The following UMAD1 variants were observed in gnomAD, a reference collection of about 807,000 sequenced individuals.
UMAD1 encodes the protein UBAP1-MVB12-associated (UMA) domain containing 1, also known as UBAP1-MVB12-associated (UMA)-domain containing protein 1.
UMAD1 carries 8 observed loss-of-function variants against 6.1 expected under a neutral mutation model. The ratio of observed to expected loss-of-function variants is 1.30; its 90% CI spans 0.76 to 2.35. The LOEUF (loss-of-function observed/expected upper bound fraction) is 2.35, where lower values mean the gene tolerates loss of function less well. UMAD1 is among the 30% of genes most tolerant of loss of function. UMAD1 has a pLI of 0.00. For synonymous variants in UMAD1, 56 were observed against 31.4 expected, an observed-to-expected ratio of 1.78 and a Z score of -2.61; for missense variants, 130 against 78.4, an observed-to-expected ratio of 1.66 and a Z score of -2.49.
chr7:7,649,170 A>AG (rs1554308874), intron 1 of UMAD1, among the ~76,000 whole-genome samples: 87 of 141,630 alleles, frequency 6.1e-4, no homozygotes, highest in African/African-American at 1.8e-3. Flanking sequence ...AAAAAAAAAA[A>AG]AAAAAAAAAG....
chr7:7,694,001 CTTTGT>C (rs1780242892), intron 2 of UMAD1, among the ~76,000 whole-genome samples: 1 of 152,028 alleles, frequency 6.6e-6, no homozygotes, highest in Admixed American at 6.6e-5. Context: ...AATACTAATG[CTTTGT>C]TGATATAAGG....
At chr7:7,874,568 G>A (rs1439248235) in intron 3 of UMAD1, among the ~76,000 whole-genome samples, 1 of 152,092 alleles carries the variant, frequency 6.6e-6, no homozygotes, top group Non-Finnish European at 1.5e-5. Flanking sequence ...TGTAATCCCA[G>A]CACTTTGGGA....
chr7:7,838,439 A>G (rs1308093292), intron 3 of UMAD1, among the ~76,000 whole-genome samples: 1 of 152,220 alleles, frequency 6.6e-6, no homozygotes, highest in Non-Finnish European at 1.5e-5. Flanking sequence ...TAAGAAGCAT[A>G]CAGGACCATA....
chr7:7,837,376 C>G (rs1783591063), intron 3 of UMAD1, among the ~76,000 whole-genome samples: 1 of 152,002 alleles, frequency 6.6e-6, no homozygotes, highest in African/African-American at 2.4e-5. Context: ...GAATGACGAA[C>G]TAAGAAAGTG....
intron 3 of UMAD1, among the ~76,000 whole-genome samples, chr7:7,808,497 G>A (rs1300190268): frequency 1.3e-5 from 2 of 151,836 alleles, no homozygotes; most frequent in Non-Finnish European, 2.9e-5. Context: ...GTTCTTTTTG[G>A]CTTTAAGGTG....
At chr7:7,829,904 C>A (rs1434156422) in intron 3 of UMAD1, among the ~76,000 whole-genome samples, 1 of 152,110 alleles carries the variant, frequency 6.6e-6, no homozygotes, top group Non-Finnish European at 1.5e-5. Flanking sequence ...TAGGAGCTGT[C>A]AGAGAGTCTC....
rs1057262028 is a variant in UMAD1 at position 7,860,694 on chromosome 7, G to A, written c.157-16587G>A. Among the ~76,000 whole-genome samples, 6 of 148,342 alleles carry A rather than the reference G, an allele frequency of 4.0e-5. No homozygotes were observed. In the South Asian group the frequency reaches 8.6e-4, roughly 21 times the overall value. On this transcript the variant is annotated intron_variant, in intron 3 of 3. Transcript: ENST00000682710. Reference sequence around the variant, plus strand: ...GGAGGCTGAGGCAGGAGAATGGCGCGAACCCAGGAGGCGGAGCTTGCAGTG... The same window carrying A: ...GGAGGCTGAGGCAGGAGAATGGCGCAAACCCAGGAGGCGGAGCTTGCAGTG...
At chr7:7,664,806 A>G (rs1050858030) in intron 1 of UMAD1, among the ~76,000 whole-genome samples, 1 of 152,204 alleles carries the variant, frequency 6.6e-6, no homozygotes. Flanking sequence ...AGCATGGCCT[A>G]CCTTCCTCTG....
At chr7:7,662,858 G>C (rs1785509396) in intron 1 of UMAD1, among the ~76,000 whole-genome samples, 1 of 152,122 alleles carries the variant, frequency 6.6e-6, no homozygotes, top group Non-Finnish European at 1.5e-5. Context: ...AAATTTAAAA[G>C]AAAGATATAA....
chr7:7,756,142 C>T (rs1781771406), intron 2 of UMAD1, among the ~76,000 whole-genome samples: 1 of 152,114 alleles, frequency 6.6e-6, no homozygotes, highest in African/African-American at 2.4e-5. Flanking sequence ...TGAAGTTGGA[C>T]CCCAAAGGGT....
intron 3 of UMAD1, among the ~76,000 whole-genome samples, chr7:7,823,017 T>C (rs937212705): frequency 3.9e-5 from 6 of 152,138 alleles, no homozygotes; most frequent in African/African-American, 1.4e-4. Context: ...TATTCTTTCT[T>C]TAAGGTTTTA....
At chr7:7,793,699 G>A (rs1782614298) in intron 2 of UMAD1, among the ~76,000 whole-genome samples, 1 of 152,116 alleles carries the variant, frequency 6.6e-6, no homozygotes, top group African/African-American at 2.4e-5. Context: ...TTAAAAGGCA[G>A]CCATGAAAAA....
At chr7:7,786,405 C>A (rs1782461093) in intron 2 of UMAD1, among the ~76,000 whole-genome samples, 1 of 152,148 alleles carries the variant, frequency 6.6e-6, no homozygotes, top group African/African-American at 2.4e-5. Flanking sequence ...ATTATGTGTT[C>A]TTTTCATTGC....
At chr7:7,687,434 C>G (rs1008039282) in intron 2 of UMAD1, 1 of 152,188 alleles carries the variant, frequency 6.6e-6, no homozygotes, top group Non-Finnish European at 1.5e-5. Flanking sequence ...CTTAGTTTAG[C>G]TGGAGAGAAT....
At chr7:7,854,409 A>C (rs1783975794) in intron 3 of UMAD1, among the ~76,000 whole-genome samples, 1 of 150,852 alleles carries the variant, frequency 6.6e-6, no homozygotes, top group African/African-American at 2.4e-5. Flanking sequence ...TCACAGTTCC[A>C]CGTAGCTGAG....
chr7:7,688,211 C>A (rs1031497399), intron 2 of UMAD1, among the ~76,000 whole-genome samples: 2 of 152,090 alleles, frequency 1.3e-5, no homozygotes, highest in Non-Finnish European at 2.9e-5. Flanking sequence ...TTAAGAATTA[C>A]TTTTTTAGAT....
intron 2 of UMAD1, among the ~76,000 whole-genome samples, chr7:7,754,817 G>T (rs1781744321): frequency 6.6e-6 from 1 of 152,158 alleles, no homozygotes; most frequent in African/African-American, 2.4e-5. Context: ...TGTACATGTG[G>T]TGTGTCTGTG....
rs942584226 is a variant in UMAD1, at chr7:7,713,212, C to T, written c.82+39759C>T. Among the ~76,000 whole-genome samples the T allele has an allele frequency of 1.4e-4, 22 of 151,762 alleles. 1 individual carries two copies. The highest frequency in any genetic ancestry group is 4.1e-4 in the South Asian group (2 of 4,820). ...AAAAAAAATTAGCTGGGCATGGTGG[C>T]GTGCACCTGTAGTCCCAGCTACTCA... On this transcript the variant is annotated intron_variant, in intron 2 of 3. Transcript: ENST00000682710.
At chr7:7,752,508 C>G (rs777328778) in intron 2 of UMAD1, among the ~76,000 whole-genome samples, 44 of 152,018 alleles carry the variant, frequency 2.9e-4, no homozygotes, top group Non-Finnish European at 4.0e-4. Flanking sequence ...TTTTGCAACT[C>G]ATAAAAGAAA....
Sources: gnomAD v4.1 joint callset for allele counts (sites outside exome capture counted in the v4.1 genomes callset) on GRCh38, gnomAD v4.1.1 for gene constraint, MANE v1.5 for transcripts, NCBI Gene and HGNC (gene_info 2026-07-23, HGNC 2026-07-21) for gene names.